Variants in TSHZ1 observed in about 807,000 individuals in gnomAD.
The protein encoded by TSHZ1 is teashirt zinc finger homeobox 1.
A neutral mutation model predicts 67.1 loss-of-function variants in TSHZ1; 12 were observed. The ratio of observed to expected loss-of-function variants is 0.18; its 90% confidence interval spans 0.11 to 0.29. TSHZ1 has a LOEUF of 0.29. Ranked by LOEUF, TSHZ1 falls within the 10% of genes least tolerant of loss-of-function variation. TSHZ1 has a pLI of 1.00. For synonymous variants in TSHZ1, 632 were observed against 622.4 expected, an observed-to-expected ratio of 1.02 and a Z score of -0.23; for missense variants, 1,305 against 1,413.9, an observed-to-expected ratio of 0.92 and a Z score of 1.23.
chr18:75,264,020 A>T (rs1245641279), intron 1 of TSHZ1, among the ~76,000 whole-genome samples: 2 of 152,338 alleles, frequency 1.3e-5, no homozygotes, highest in East Asian at 3.9e-4. Context: ...GCTGAAGCTG[A>T]TGCTAACCAT....
intron 1 of TSHZ1, among the ~76,000 whole-genome samples, chr18:75,242,895 C>T (rs2122553392): frequency 6.6e-6 from 1 of 152,324 alleles, no homozygotes; most frequent in South Asian, 2.1e-4. Context: ...TCTTTGCTTT[C>T]CAATTCTGTC....
intron 1 of TSHZ1, among the ~76,000 whole-genome samples, chr18:75,257,359 C>T (rs891063315): frequency 3.9e-5 from 6 of 152,108 alleles, no homozygotes; most frequent in South Asian, 2.1e-4. Context: ...CTCTTCTCAT[C>T]GTGTGCCAAA....
chr18:75,259,525 C>T (rs906043368), intron 1 of TSHZ1, among the ~76,000 whole-genome samples: 2 of 152,118 alleles, frequency 1.3e-5, no homozygotes, highest in African/African-American at 4.8e-5. Flanking sequence ...CCCGGTTAGT[C>T]ACTTAGTAAC....
intron 1 of TSHZ1, among the ~76,000 whole-genome samples, chr18:75,236,064 A>G (rs1392281191): frequency 6.6e-6 from 1 of 152,174 alleles, no homozygotes; most frequent in African/African-American, 2.4e-5. Flanking sequence ...CATGCGTGAC[A>G]GGAAGCTTGC....
intron 1 of TSHZ1, among the ~76,000 whole-genome samples, chr18:75,277,970 G>A (rs1431209300): frequency 6.6e-6 from 1 of 152,092 alleles, no homozygotes; most frequent in African/African-American, 2.4e-5. Context: ...ATGTATCTGA[G>A]CCTGGGCTCC....
At chr18:75,270,431 C>G (rs909824887) in intron 1 of TSHZ1, among the ~76,000 whole-genome samples, 1 of 152,224 alleles carries the variant, frequency 6.6e-6, no homozygotes, top group Non-Finnish European at 1.5e-5. Context: ...GCTGGTTGAG[C>G]AGATATTCTG....
At chr18:75,245,982 CA>C (rs1452125019) in intron 1 of TSHZ1, among the ~76,000 whole-genome samples, 1 of 152,162 alleles carries the variant, frequency 6.6e-6, no homozygotes, top group Non-Finnish European at 1.5e-5. Context: ...TGCTCTGAAT[CA>C]AATAAGTGCC....
At chr18:75,227,725 T>A (rs1471724135) in intron 1 of TSHZ1, among the ~76,000 whole-genome samples, 1 of 152,240 alleles carries the variant, frequency 6.6e-6, no homozygotes, top group Non-Finnish European at 1.5e-5. Context: ...AAAGAGATAG[T>A]GAAGGAGACT....
Position 75,285,863 on chromosome 18 carries a change from G to A in TSHZ1, c.456G>A (p.Glu152=). The change falls in exon 2 of 2, where the codon GAG becomes GAA. Residue 152 remains glutamate, a synonymous_variant. Transcript: ENST00000580243. ...TTSTNDASQK[E]SSAPTPTPPT... ...GCACCAACGATGCCAGCCAGAAGGA[G>A]AGCTCCGCCCCCACCCCCACACCCC... 6.2e-7 allele frequency: 1 copy of A among 1,605,500 alleles called. No homozygotes were observed. Among genetic ancestry groups the A allele is most frequent in the South Asian group, 1.1e-5 (1 of 89,736 alleles).
intron 1 of TSHZ1, among the ~76,000 whole-genome samples, chr18:75,232,433 A>G (rs1568355095): frequency 6.6e-6 from 1 of 152,188 alleles, no homozygotes; most frequent in Non-Finnish European, 1.5e-5. Context: ...TAGCTGTAAG[A>G]TGTTTTGCAT....
chr18:75,222,482 ACTC>A (rs1237063992), intron 1 of TSHZ1, among the ~76,000 whole-genome samples: 2 of 150,998 alleles, frequency 1.3e-5, no homozygotes, highest in African/African-American at 2.4e-5. Context: ...TTTTTTCTCA[ACTC>A]CTCCTCCTCT....
At chr18:75,267,493 A>G (rs147446364) in intron 1 of TSHZ1, among the ~76,000 whole-genome samples, 91 of 152,316 alleles carry the variant, frequency 6.0e-4, no homozygotes, top group African/African-American at 2.1e-3. Flanking sequence ...GGGCTGCGCC[A>G]GTGGGTCCTG....
At chr18:75,226,460 G>A (rs2022926929) in intron 1 of TSHZ1, among the ~76,000 whole-genome samples, 1 of 152,170 alleles carries the variant, frequency 6.6e-6, no homozygotes, top group Non-Finnish European at 1.5e-5. Flanking sequence ...ACAAGTTAGA[G>A]TGTGATTAAT....
At position 75,287,445 on chromosome 18, in the gene TSHZ1, T is replaced by C. The variant is rs2023791594; in HGVS notation, c.2038T>C (p.Phe680Leu). ...ASPIAKENKD[F>L]PKTEEVSGKP... is the part of the protein sequence containing the mutation. ...CCCCATAGCAAAAGAGAATAAAGAT[T>C]TCCCGAAAACGGAGGAAGTCAGCGG... The change falls in exon 2 of 2, where the codon TTC becomes CTC. Residue 680 changes from phenylalanine (F) to leucine (L), a missense_variant. This residue lies in a region of TSHZ1 where 909 missense variants were observed against 961.8 expected (regional missense o/e 0.95). Transcript: ENST00000580243. This position sits in a 1 kb window ranked among gnomAD's most constrained non-coding sequence, Gnocchi z 5.0. 4 of 1,614,034 alleles carry C rather than the reference T, an allele frequency of 2.5e-6. No homozygotes were observed. The East Asian group carries it at 8.9e-5, about 36-fold the overall frequency.
intron 1 of TSHZ1, among the ~76,000 whole-genome samples, chr18:75,272,945 G>A (rs550065126): frequency 1.4e-4 from 21 of 152,246 alleles, no homozygotes; most frequent in Admixed American, 5.2e-4. Flanking sequence ...CCAAATTTGG[G>A]AACATTGCAA....
intron 1 of TSHZ1, among the ~76,000 whole-genome samples, chr18:75,231,887 A>G (rs2023003970): frequency 1.3e-5 from 2 of 151,506 alleles, no homozygotes; most frequent in South Asian, 4.2e-4. Flanking sequence ...ATCCCTAGGA[A>G]GGAAAATAAG....
chr18:75,231,999 C>T (rs895238389), intron 1 of TSHZ1, among the ~76,000 whole-genome samples: 1 of 152,088 alleles, frequency 6.6e-6, no homozygotes, highest in Non-Finnish European at 1.5e-5. Flanking sequence ...ACCTCTGCCT[C>T]CTGGGTAGCT....
Position 75,286,795 on chromosome 18 carries a change from A to C in TSHZ1, c.1388A>C (p.Glu463Ala). ...TTGGTGCTGGACCCTGTGGTGGAAG[A>C]GAAGATCCAGTCCATCCCACTACCG... is the stretch of plus-strand genomic sequence containing the variant. Reference protein sequence around the residue: ...KQLVLDPVVEEKIQSIPLPPT... With the variant: ...KQLVLDPVVEAKIQSIPLPPT... The change falls in exon 2 of 2, where the codon GAG (glutamate) becomes GCG (alanine). Residue 463 changes from glutamate (E) to alanine (A), a missense_variant. Coordinates refer to ENST00000580243, the MANE Select transcript of TSHZ1 (RefSeq NM_001308210.2). This position sits in a 1 kb window ranked among gnomAD's most constrained non-coding sequence, Gnocchi z 5.1. 1 of 1,613,728 alleles carries C rather than the reference A, an allele frequency of 6.2e-7. No individual in the cohort carries two copies.
At chr18:75,215,310 C>G (rs866101893) in intron 1 of TSHZ1, among the ~76,000 whole-genome samples, 1 of 152,308 alleles carries the variant, frequency 6.6e-6, no homozygotes, top group African/African-American at 2.4e-5. Flanking sequence ...GATTCTCATG[C>G]CATCTGTAAA....
Sources: gnomAD v4.1 joint callset for allele counts (sites outside exome capture counted in the v4.1 genomes callset) on GRCh38, gnomAD v4.1.1 for gene constraint, gnomAD v4.1.1 regional missense constraint, Gnocchi (gnomAD v3.1) non-coding constraint, MANE v1.5 for transcripts, NCBI Gene and HGNC (gene_info 2026-07-23, HGNC 2026-07-21) for gene names.